PATL2: variants seen among roughly 807,000 people sequenced by gnomAD.
PATL2 encodes protein PAT1 homolog 2.
A neutral mutation model predicts 77.0 loss-of-function variants in PATL2; 73 were observed. The observed-to-expected ratio is 0.95, with a 90% CI of 0.78 to 1.15. The LOEUF is 1.15. PATL2 is among the 50% of genes most tolerant of loss of function. The pLI is 0.00. For missense variants in PATL2, 618 were observed against 655.4 expected, an observed-to-expected ratio of 0.94 and a Z score of 0.62; for synonymous variants, 265 against 257.1, an observed-to-expected ratio of 1.03 and a Z score of -0.29.
chr15:44,670,084 A>C lies in PATL2; in HGVS notation c.661T>G (p.Tyr221Asp). Residue 221 changes from tyrosine (Y) to aspartate (D), a missense_variant, in exon 10 of 18, where the codon TAT becomes GAT. Coordinates refer to ENST00000682850, the MANE Select transcript of PATL2 (RefSeq NM_001387263.1). ...TGCTTCTTCTCTAGCTTCTGGTAATATTCCTGAGAATGCACGGAATAGGAA... is the reference window on the plus strand; with the variant it reads ...TGCTTCTTCTCTAGCTTCTGGTAATCTTCCTGAGAATGCACGGAATAGGAA... ...PRLDDYYYQEYYQKLEKKQAD... is the reference protein window; with the variant it reads ...PRLDDYYYQEDYQKLEKKQAD... 2 of 1,551,544 alleles carry C rather than the reference A, an allele frequency of 1.3e-6. No homozygotes were observed. Among genetic ancestry groups the C allele is most frequent in the Non-Finnish European group, 1.7e-6 (2 of 1,146,982 alleles).
chr15:44,687,150 G>C lies in PATL2; in HGVS notation c.-75-10585C>G, dbSNP rs1040073428. Among the ~76,000 whole-genome samples the C allele has an allele frequency of 5.9e-5, 9 of 152,216 alleles. No homozygotes were observed. In the East Asian group the frequency reaches 1.7e-3, roughly 29 times the overall value. ...ATCCCTGATGAACATTGATGTGAAA[G>C]TCCTCAATAAAATACTGGCAAACCA... On this transcript the variant is annotated intron_variant, in intron 3 of 17. Coordinates refer to ENST00000682850, the MANE Select transcript of PATL2 (RefSeq NM_001387263.1).
chr15:44,706,499 A>C (rs1374445851), intron 3 of PATL2, among the ~76,000 whole-genome samples: 1 of 152,222 alleles, frequency 6.6e-6, no homozygotes. Flanking sequence ...ACAACTTAAC[A>C]CTGATTACTC....
intron 3 of PATL2, among the ~76,000 whole-genome samples, chr15:44,681,965 C>A (rs775004515): frequency 6.6e-6 from 1 of 152,170 alleles, no homozygotes; most frequent in Non-Finnish European, 1.5e-5. Flanking sequence ...TAGGGTTCCA[C>A]TTTAGCCTTC....
chr15:44,706,276 T>C (rs958099615), intron 3 of PATL2, among the ~76,000 whole-genome samples: 7 of 152,214 alleles, frequency 4.6e-5, no homozygotes, highest in African/African-American at 1.7e-4. Flanking sequence ...CTGGGCTGTT[T>C]GTATCTGTCC....
At chr15:44,683,879 C>G (rs1296034694) in intron 3 of PATL2, among the ~76,000 whole-genome samples, 1 of 152,060 alleles carries the variant, frequency 6.6e-6, no homozygotes, top group African/African-American at 2.4e-5. Context: ...CCCTCTGGGA[C>G]AAAAATTCCA....
intron 8 of PATL2, 25 bp downstream of exon 8, chr15:44,672,363 A>G (rs2085730821): frequency 1.9e-6 from 3 of 1,550,466 alleles, no homozygotes; most frequent in African/African-American, 1.4e-5. Context: ...GCTCCCCTCA[A>G]CCCTGCTCCT....
chr15:44,676,347 A>C (rs2085953392), intron 4 of PATL2, 128 bp downstream of exon 4: 4 of 852,922 alleles, frequency 4.7e-6, no homozygotes, highest in Middle Eastern at 2.2e-4. Flanking sequence ...ATTATGATAT[A>C]ATTAGCAAGT....
At chr15:44,689,010 T>C (rs760631962) in intron 3 of PATL2, among the ~76,000 whole-genome samples, 1 of 151,924 alleles carries the variant, frequency 6.6e-6, no homozygotes, top group Non-Finnish European at 1.5e-5. Flanking sequence ...TAAACAAATG[T>C]ACAAGAAAAA....
At chr15:44,685,173 G>A (rs970330297) in intron 3 of PATL2, among the ~76,000 whole-genome samples, 1 of 152,192 alleles carries the variant, frequency 6.6e-6, no homozygotes, top group Non-Finnish European at 1.5e-5. Flanking sequence ...TCAACACTAT[G>A]AAGAAACTGT....
chr15:44,669,415 T>C lies in PATL2; in HGVS notation c.931-2A>G, dbSNP rs562939839. On this transcript the variant is annotated splice_acceptor_variant, in intron 12 of 17. Transcript: ENST00000682850. LOFTEE classifies it high-confidence loss of function. ...TATTTCTAGTAACTGAAGGAACATC[T>C]GGGAATTTGAGGGTGGAAAAAAGAG... 1.3e-6 allele frequency: 2 copies of C among 1,549,242 alleles called. No homozygotes were observed. The highest frequency in any genetic ancestry group is 2.7e-5 in the African/African-American group (2 of 73,112).
In PATL2 at chr15:44,695,378, T is replaced by G. The variant is rs537064295; in HGVS notation, c.-76+14718A>C. Reference sequence around the variant, plus strand: ...GCAGTTGAGCCAATCATGTTCAAGATGGCAGCTCCATCTTCCCTTTTCTTT... The same window carrying G: ...GCAGTTGAGCCAATCATGTTCAAGAGGGCAGCTCCATCTTCCCTTTTCTTT... On this transcript the variant is annotated intron_variant, in intron 3 of 17. Transcript: ENST00000682850. 4.4e-3 allele frequency among the ~76,000 whole-genome samples: 676 copies of G among 152,324 alleles called. 7 individuals are homozygous for G. The highest frequency in any genetic ancestry group is 0.015 in the African/African-American group (644 of 41,564).
intron 3 of PATL2, among the ~76,000 whole-genome samples, chr15:44,708,194 G>A (rs1396222085): frequency 6.6e-6 from 1 of 152,210 alleles, no homozygotes; most frequent in Non-Finnish European, 1.5e-5. Context: ...ACCAGGTACT[G>A]TGATCACTCA....
At position 44,711,256 on chromosome 15, in the gene PATL2, G is replaced by T. The variant is rs11854648; in HGVS notation, c.-490C>A. The T allele has an allele frequency of 1.8e-6, 1 of 571,028 alleles. No individual in the cohort carries two copies. 35.4% of individuals were successfully genotyped at this position (571,028 alleles called of 1,614,324 possible). A position where few individuals can be genotyped will look rare whatever the true frequency, so the allele number is the denominator to read the frequency against. On this transcript the variant is annotated 5_prime_UTR_variant, in exon 1 of 18. Transcript: ENST00000682850. Reference sequence around the variant, plus strand: ...AATGTGCCTCCAGCCTGAAGTCCTAGAATGAGCGCCCGGTGTCCCAAGCTG... The same window carrying T: ...AATGTGCCTCCAGCCTGAAGTCCTATAATGAGCGCCCGGTGTCCCAAGCTG...
chr15:44,672,350 T>C (rs1172931931), intron 8 of PATL2, 38 bp downstream of exon 8: 13 of 1,543,572 alleles, frequency 8.4e-6, no homozygotes, highest in Admixed American at 2.0e-5. Flanking sequence ...GGCATGCAAA[T>C]GGGCTCCCCT....
intron 7 of PATL2, 95 bp from the exon 8 acceptor site, chr15:44,672,551 T>TA: frequency 8.2e-7 from 1 of 1,212,706 alleles, no homozygotes; most frequent in South Asian, 1.4e-5. Context: ...GATGGACATC[T>TA]AAGGAACCTT....
intron 4 of PATL2, chr15:44,675,892 G>A (rs2085931445): frequency 1.8e-6 from 1 of 557,538 alleles, no homozygotes; most frequent in East Asian, 3.0e-5. Context: ...TAAGTCAAAT[G>A]GAACCTGAGC....
At chr15:44,678,278 T>C (rs1489410956) in intron 3 of PATL2, among the ~76,000 whole-genome samples, 3 of 152,100 alleles carry the variant, frequency 2.0e-5, no homozygotes, top group African/African-American at 2.4e-5. Context: ...ATTCATTAGG[T>C]TGTTGTAGAG....
intron 5 of PATL2, 129 bp downstream of exon 5, chr15:44,675,357 T>C: frequency 9.0e-7 from 1 of 1,108,264 alleles, no homozygotes; most frequent in Non-Finnish European, 1.3e-6. Flanking sequence ...GTTCAAGGCT[T>C]AAAAAGAAAG....
intron 4 of PATL2, chr15:44,675,920 G>T: frequency 1.9e-6 from 1 of 520,444 alleles, no homozygotes; most frequent in East Asian, 3.2e-5. Context: ...GGTGGCTCGT[G>T]CCTGTAGTCC....
Sources: allele counts gnomAD v4.1 joint callset (sites outside exome capture counted in the v4.1 genomes callset), GRCh38; gene constraint gnomAD v4.1.1; transcripts MANE v1.5; gene names NCBI Gene and HGNC (gene_info 2026-07-23, HGNC 2026-07-21).